The following THAP3 variants were observed in gnomAD, a reference collection of about 807,000 sequenced individuals.
THAP3 encodes the protein THAP domain-containing protein 3.
Under a neutral mutation model 17.7 loss-of-function variants are expected in THAP3, and 12 were observed. The ratio of observed to expected loss-of-function variants is 0.68; its 90% confidence interval spans 0.43 to 1.10. The LOEUF (loss-of-function observed/expected upper bound fraction) is 1.10. Ranked by LOEUF, THAP3 falls within the 50% of genes least tolerant of loss-of-function variation. The pLI, the probability that THAP3 is intolerant of heterozygous loss-of-function variation, is 0.00. For missense variants in THAP3, 289 were observed against 318.0 expected (o/e 0.91, Z 0.69); for synonymous variants, 133 against 126.9 (o/e 1.05, Z -0.32).
In THAP3 at chr1:6,633,007, C is replaced by CTTTCTCAGTGTCCA. The variant is rs1641669367; in HGVS notation, c.650_651insTTTCTCAGTGTCCA (p.Ser218PhefsTer60). The CTTTCTCAGTGTCCA allele has an allele frequency of 6.2e-7, 1 of 1,612,358 alleles. No homozygotes were observed. The highest frequency in any genetic ancestry group is 1.1e-5 in the South Asian group (1 of 91,070). On this transcript the variant is annotated frameshift_variant, in exon 6 of 6. Transcript: ENST00000054650. LOFTEE classifies it low-confidence loss of function (END_TRUNC). ...CAGAGGCTGGTGATGCGAAGGATGT[C>CTTTCTCAGTGTCCA]CAGCCGCCTCCGTGCTTGCAAAGGG... is the stretch of plus-strand genomic sequence containing the variant.
At chr1:6,635,581 A>T (rs1641749501), downstream of THAP3, 1 of 1,313,540 alleles carries the variant, frequency 7.6e-7, no homozygotes, top group East Asian at 2.4e-5. Context: ...ATATAAAATA[A>T]AAACATCTGA....
Position 6,628,595 on chromosome 1 carries a change from G to C in THAP3, c.171G>C (p.Glu57Asp). 6.2e-7 allele frequency: 1 copy of C among 1,613,854 alleles called. No individual in the cohort carries two copies. Among genetic ancestry groups the C allele is most frequent in the Middle Eastern group, 1.6e-4 (1 of 6,062 alleles). Residue 57 changes from glutamate (E) to aspartate (D), a missense_variant, in exon 3 of 6, where the codon GAG (glutamate) becomes GAC (aspartate). Transcript: ENST00000054650. The part of the protein sequence containing the change: ...KPKQHTVICS[E>D]HFRPECFSAF... ...AGCAGCACACGGTCATCTGCTCCGA[G>C]CACTTCCGGCCAGAGTGCTTCAGCG... is the stretch of plus-strand genomic sequence containing the variant.
intron 4 of THAP3, among the ~76,000 whole-genome samples, chr1:6,632,046 C>CAAAAAAAA (rs35349874): frequency 1.8e-5 from 2 of 111,398 alleles, no homozygotes; most frequent in African/African-American, 7.1e-5. Flanking sequence ...GATTCCGTCT[C>CAAAAAAAA]AAAAAAAAAA....
chr1:6,628,625 T>C lies in THAP3; in HGVS notation c.201T>C (p.Phe67=), dbSNP rs1557454202. ...TCCGGCCAGAGTGCTTCAGCGCCTTTGGAAACCGCAAGAACCTAAAGCACA... is the reference window on the plus strand; with the variant it reads ...TCCGGCCAGAGTGCTTCAGCGCCTTCGGAAACCGCAAGAACCTAAAGCACA... ...EHFRPECFSA[F]GNRKNLKHNA... Residue 67 remains phenylalanine (F), a synonymous_variant, in exon 3 of 6, where the codon TTT becomes TTC. Coordinates refer to ENST00000054650, the MANE Select transcript of THAP3 (RefSeq NM_001195753.2). The C allele has an allele frequency of 6.2e-7, 1 of 1,613,856 alleles. No homozygotes were observed. The highest frequency in any genetic ancestry group is 8.5e-7 in the Non-Finnish European group (1 of 1,180,028).
downstream of THAP3, chr1:6,634,201 C>A: frequency 9.5e-7 from 1 of 1,049,436 alleles, no homozygotes; most frequent in Non-Finnish European, 1.4e-6. Context: ...GTGGTGAGTG[C>A]CTTCTGTACA....
Position 6,628,680 on chromosome 1 carries a change from G to A in THAP3, c.256G>A (p.Asp86Asn), listed in dbSNP as rs140604454. ...CGTGCCCACGGTGTTCGCCTTTCAG[G>A]ACCCCACACAGGTAGGAGGGCACTG... ...NAVPTVFAFQDPTQQVRENTD... is the reference protein window; with the variant it reads ...NAVPTVFAFQNPTQQVRENTD... The change falls in exon 3 of 6, where the codon GAC becomes AAC. Residue 86 changes from aspartate to asparagine, a missense_variant. Transcript: ENST00000054650. 557 of 1,612,890 alleles carry A rather than the reference G, an allele frequency of 3.5e-4. No homozygotes were observed. The highest frequency in any genetic ancestry group is 4.7e-4 in the Admixed American group (28 of 59,944).
intron 4 of THAP3, among the ~76,000 whole-genome samples, chr1:6,630,704 G>A (rs1641586737): frequency 6.6e-6 from 1 of 152,078 alleles, no homozygotes; most frequent in African/African-American, 2.4e-5. Flanking sequence ...CCGAGTAGCT[G>A]GGATTACAGA....
In THAP3 at chr1:6,625,296, A is replaced by T. The variant is rs745396242; in HGVS notation, c.74+4A>T. On this transcript the variant is annotated splice_donor_region_variant and intron_variant, in intron 2 of 5. Coordinates refer to ENST00000054650, the MANE Select transcript of THAP3 (RefSeq NM_001195753.2). Reference sequence around the variant, plus strand: ...GGAAGCAGCTCACCTTCCACCGGTAAGAGGCGGGGACCCGGGGGCGCGGGA... The same window carrying T: ...GGAAGCAGCTCACCTTCCACCGGTATGAGGCGGGGACCCGGGGGCGCGGGA... 4.8e-5 allele frequency: 74 copies of T among 1,534,018 alleles called. No homozygotes were observed. The highest frequency in any genetic ancestry group is 1.4e-4 in the Admixed American group (7 of 50,260).
At chr1:6,634,964 T>C, downstream of THAP3, 1 of 962,176 alleles carries the variant, frequency 1.0e-6, no homozygotes, top group Non-Finnish European at 1.3e-6. Context: ...TGGCAGGGCG[T>C]TTTCCCACCG....
Position 6,628,488 on chromosome 1 carries a change from T to G in THAP3, c.75-11T>G. 1.2e-6 allele frequency: 2 copies of G among 1,604,056 alleles called. No individual in the cohort carries two copies. The highest frequency in any genetic ancestry group is 1.7e-6 in the Non-Finnish European group (2 of 1,175,662). On this transcript the variant is annotated splice_polypyrimidine_tract_variant and intron_variant, in intron 2 of 5. Transcript: ENST00000054650. Reference sequence around the variant, plus strand: ...CTTGCTGGGCCTCACACCCCGTGCCTCTGCCCTTAGGTTTCCGTTCAGCCG... The same window carrying G: ...CTTGCTGGGCCTCACACCCCGTGCCGCTGCCCTTAGGTTTCCGTTCAGCCG...
At chr1:6,627,977 C>T (rs1570241817) in intron 2 of THAP3, 1 of 156,126 alleles carries the variant, frequency 6.4e-6, no homozygotes, top group Non-Finnish European at 1.4e-5. Flanking sequence ...AGTGGCCGTT[C>T]CTGCTGTCCC....
Position 6,632,864 on chromosome 1 carries a change from G to A in THAP3, c.507G>A (p.Arg169=). 6.2e-7 allele frequency: 1 copy of A among 1,612,962 alleles called. No individual in the cohort carries two copies. Among genetic ancestry groups the A allele is most frequent in the Non-Finnish European group, 8.5e-7 (1 of 1,179,900 alleles). The change falls in exon 6 of 6, where the codon AGG becomes AGA. Residue 169 remains arginine (R), a synonymous_variant. Coordinates refer to ENST00000054650, the MANE Select transcript of THAP3 (RefSeq NM_001195753.2). The stretch of plus-strand genomic sequence containing the variant: ...CGACTGGCCCTGCAGGCCTGAGAAG[G>A]ACCCCCAACAAGCAGCCATCTGATC... ...GRPTGPAGLR[R]TPNKQPSDHS...
downstream of THAP3, chr1:6,634,514 G>C: frequency 1.5e-6 from 2 of 1,351,902 alleles, no homozygotes; most frequent in South Asian, 2.3e-5. Context: ...GGGGCCCCCC[G>C]CGCCAGCTGT....
chr1:6,628,439 T>C, intron 2 of THAP3, 60 bp from the exon 3 acceptor site: 1 of 1,447,986 alleles, frequency 6.9e-7, no homozygotes. Context: ...AAATTCCGAA[T>C]GACTCTGAGG....
intron 5 of THAP3, 81 bp downstream of exon 5, chr1:6,632,576 CCAT>C (rs753052239): frequency 6.3e-7 from 1 of 1,584,990 alleles, no homozygotes; most frequent in Non-Finnish European, 8.6e-7. Flanking sequence ...TGAGCACCCA[CCAT>C]GAGACCTGTG....
chr1:6,633,966 T>TAA, downstream of THAP3: 1 of 1,530,466 alleles, frequency 6.5e-7, no homozygotes, highest in African/African-American at 1.4e-5. Flanking sequence ...TTTAGTGAAT[T>TAA]AAAGAAAAAA....
At chr1:6,627,311 A>T (rs1267228249) in intron 2 of THAP3, among the ~76,000 whole-genome samples, 1 of 152,150 alleles carries the variant, frequency 6.6e-6, no homozygotes, top group African/African-American at 2.4e-5. Context: ...GCCGCCTGTC[A>T]CCCCAGCACA....
chr1:6,625,154 C>G lies in THAP3; in HGVS notation c.-65C>G. ...CGGCCCCGCCCCTCCCCGCAGGTCC[C>G]TCCCCTCTCCGCAGGCCCCGCCGCC... is the stretch of plus-strand genomic sequence containing the variant. On this transcript the variant is annotated 5_prime_UTR_variant, in exon 2 of 6. Coordinates refer to ENST00000054650, the MANE Select transcript of THAP3 (RefSeq NM_001195753.2). 2.0e-6 allele frequency: 3 copies of G among 1,501,050 alleles called. No homozygotes were observed. The highest frequency in any genetic ancestry group is 2.4e-5 in the South Asian group (2 of 82,180). 93.0% of individuals were successfully genotyped at this position (1,501,050 alleles called of 1,614,324 possible).
intron 3 of THAP3, 62 bp downstream of exon 3, chr1:6,628,753 G>T: frequency 6.6e-7 from 1 of 1,509,230 alleles, no homozygotes; most frequent in South Asian, 1.3e-5. Context: ...CCAGCAGCTG[G>T]GGGCAGTGGG....
Sources: allele counts gnomAD v4.1 joint callset (sites outside exome capture counted in the v4.1 genomes callset), GRCh38; gene constraint gnomAD v4.1.1; transcripts MANE v1.5; gene names NCBI Gene and HGNC (gene_info 2026-07-23, HGNC 2026-07-21).